DAB1: variants seen among roughly 807,000 people sequenced by gnomAD.
DAB1 encodes the protein disabled homolog 1.
Under a neutral mutation model 64.6 loss-of-function variants are expected in DAB1, and 15 were observed. The observed-to-expected ratio is 0.23, with a 90% CI of 0.16 to 0.36. The LOEUF (loss-of-function observed/expected upper bound fraction) is 0.36, where lower values mean the gene tolerates loss of function less well. DAB1 is among the 10% of genes least tolerant of loss of function. The pLI, the probability that DAB1 is intolerant of heterozygous loss-of-function variation, is 1.00. For missense variants in DAB1, 596 were observed against 706.7 expected (o/e 0.84, Z 1.78); for synonymous variants, 235 against 251.9 (o/e 0.93, Z 0.64).
At chr1:57,099,870 A>T (rs1375090712) in intron 4 of DAB1, among the ~76,000 whole-genome samples, 2 of 152,212 alleles carry the variant, frequency 1.3e-5, no homozygotes, top group Non-Finnish European at 1.5e-5. Context: ...TTCCAGGCAG[A>T]GGAATGAAGT....
intron 3 of DAB1, among the ~76,000 whole-genome samples, chr1:58,501,846 T>A (rs1046239382): frequency 1.3e-5 from 2 of 152,088 alleles, no homozygotes; most frequent in Non-Finnish European, 2.9e-5. Context: ...TTTAATGAGG[T>A]CTGAAGGGTG....
chr1:58,006,993 T>A (rs11207150), intron 5 of DAB1, among the ~76,000 whole-genome samples: 28,799 of 152,114 alleles, frequency 0.19, 3,231 homozygotes, highest in East Asian at 0.34. Context: ...TGTACACCAA[T>A]AACTCATTCT....
chr1:58,526,656 C>G (rs1367701922), intron 2 of DAB1, among the ~76,000 whole-genome samples: 1 of 149,554 alleles, frequency 6.7e-6, no homozygotes, highest in Non-Finnish European at 1.5e-5. Context: ...AATGTCTGTT[C>G]GTCTACTGTT....
intron 5 of DAB1, among the ~76,000 whole-genome samples, chr1:57,999,571 C>A (rs923413079): frequency 1.2e-4 from 19 of 152,164 alleles, no homozygotes; most frequent in Non-Finnish European, 2.4e-4. Flanking sequence ...CTGCCCCCAG[C>A]AGACACTTGG....
chr1:57,080,501 G>A (rs1436498940), intron 4 of DAB1, among the ~76,000 whole-genome samples: 1 of 152,066 alleles, frequency 6.6e-6, no homozygotes, highest in Non-Finnish European at 1.5e-5. Context: ...TAAAAAGTCA[G>A]CTTCTTCTTC....
Position 57,115,025 on chromosome 1 carries a change from C to A in DAB1, c.306+21518G>T, listed in dbSNP as rs557190827. Among the ~76,000 whole-genome samples the A allele has an allele frequency of 6.8e-4, 104 of 152,176 alleles. 1 individual carries two copies. The highest frequency in any genetic ancestry group is 2.5e-3 in the African/African-American group (103 of 41,500). On this transcript the variant is annotated intron_variant, in intron 4 of 14. Transcript: ENST00000371236. ...TGCATGTAAAGTGTGCAGTGCATGGCCAACACCATCCTCAACACACCCTAG... is the reference window on the plus strand; with the variant it reads ...TGCATGTAAAGTGTGCAGTGCATGGACAACACCATCCTCAACACACCCTAG...
At chr1:57,732,019 G>C (rs1323567337) in intron 6 of DAB1, among the ~76,000 whole-genome samples, 1 of 152,116 alleles carries the variant, frequency 6.6e-6, no homozygotes, top group Admixed American at 6.5e-5. Context: ...TAAGGGTATG[G>C]GTAGGGAAGG....
chr1:57,479,460 T>C (rs903271108), intron 7 of DAB1, among the ~76,000 whole-genome samples: 6 of 149,046 alleles, frequency 4.0e-5, no homozygotes, highest in Middle Eastern at 3.3e-3. Context: ...ATATTTTATA[T>C]ATATAAAAAT....
chr1:57,610,010 C>T (rs986065855), intron 7 of DAB1, among the ~76,000 whole-genome samples: 1 of 152,194 alleles, frequency 6.6e-6, no homozygotes, highest in Non-Finnish European at 1.5e-5. Context: ...TTGCCGGGTA[C>T]TGGACTAGAA....
intron 6 of DAB1, among the ~76,000 whole-genome samples, chr1:57,812,203 G>A (rs1302150705): frequency 6.6e-6 from 1 of 151,370 alleles, no homozygotes; most frequent in Non-Finnish European, 1.5e-5. Flanking sequence ...ATAAACTAAA[G>A]ATTAGTGTAT....
Position 57,493,955 on chromosome 1 carries a change from G to C in DAB1, n.625+155637C>G, listed in dbSNP as rs527596085. ...GTGTGTATTTCGGCCATTTCACTTA[G>C]ATAAGTCAAAAACACTGAACCTCGG... On this transcript the variant is annotated intron_variant and non_coding_transcript_variant, in intron 7 of 20. Coordinates refer to the DAB1 transcript ENST00000485760. 3.3e-5 allele frequency among the ~76,000 whole-genome samples: 5 copies of C among 152,266 alleles called. No individual in the cohort carries two copies. In the South Asian group the frequency reaches 6.2e-4, roughly 19 times the overall value.
chr1:58,109,406 T>G (rs1238096746), intron 5 of DAB1, among the ~76,000 whole-genome samples: 2 of 152,122 alleles, frequency 1.3e-5, no homozygotes, highest in African/African-American at 4.8e-5. Flanking sequence ...ATTTGCTAGA[T>G]CACTCAGGGT....
Position 58,230,676 on chromosome 1 carries a change from T to C in DAB1, n.310-80088A>G, listed in dbSNP as rs1204109936. ...AAAACAACAGCTCCAGAAAAATATC[T>C]GGTCCTGAAAAATCACTGCTTCGTC... On this transcript the variant is annotated intron_variant and non_coding_transcript_variant, in intron 4 of 20. Coordinates refer to the DAB1 transcript ENST00000485760. Among the ~76,000 whole-genome samples, 4 of 152,362 alleles carry C rather than the reference T, an allele frequency of 2.6e-5. No homozygotes were observed. In the East Asian group the frequency reaches 5.8e-4, roughly 22 times the overall value.
chr1:58,198,166 G>C (rs1011144233), intron 4 of DAB1, among the ~76,000 whole-genome samples: 1 of 152,216 alleles, frequency 6.6e-6, no homozygotes, highest in African/African-American at 2.4e-5. Context: ...AGAGTACAGA[G>C]AGCTGTCCCA....
chr1:58,499,501 G>GATAGATAGATAA (rs767445044), intron 3 of DAB1, among the ~76,000 whole-genome samples: 5 of 150,504 alleles, frequency 3.3e-5, no homozygotes, highest in African/African-American at 1.2e-4. Flanking sequence ...TAGATAGATA[G>GATAGATAGATAA]ATAGATAAAT....
At chr1:58,161,869 G>T (rs971327137) in intron 4 of DAB1, among the ~76,000 whole-genome samples, 4 of 152,198 alleles carry the variant, frequency 2.6e-5, no homozygotes, top group Middle Eastern at 3.4e-3. Context: ...CCCATTTAAG[G>T]CTTTTAAGCT....
intron 5 of DAB1, among the ~76,000 whole-genome samples, chr1:58,051,258 C>T (rs527469793): frequency 6.6e-6 from 1 of 151,354 alleles, no homozygotes; most frequent in South Asian, 2.1e-4. Context: ...TCCAAGTGAT[C>T]TCATTGTTCA....
At chr1:58,177,445 T>A (rs1007433862) in intron 4 of DAB1, among the ~76,000 whole-genome samples, 1 of 152,188 alleles carries the variant, frequency 6.6e-6, no homozygotes, top group African/African-American at 2.4e-5. Context: ...AAAAAATAAG[T>A]TCCATATAAC....
chr1:57,968,004 A>G (rs952560923), intron 5 of DAB1, among the ~76,000 whole-genome samples: 2 of 152,246 alleles, frequency 1.3e-5, no homozygotes, highest in African/African-American at 4.8e-5. Flanking sequence ...CGAACATGTA[A>G]TAAATACACA....
Sources: allele counts gnomAD v4.1 joint callset (sites outside exome capture counted in the v4.1 genomes callset), GRCh38; gene constraint gnomAD v4.1.1; transcripts MANE v1.5; gene names NCBI Gene and HGNC (gene_info 2026-07-23, HGNC 2026-07-21).